Variants in PEAR1 observed in about 807,000 individuals in gnomAD.
PEAR1 encodes the protein multiple EGF-like domains protein 12.
In PEAR1, 113 loss-of-function variants were observed where a neutral mutation model predicts 131.2. That is an observed-to-expected ratio of 0.86 (90% CI 0.74 to 1.01). The LOEUF (loss-of-function observed/expected upper bound fraction) is 1.01. PEAR1 is among the 50% of genes least tolerant of loss of function. PEAR1 has a pLI of 0.00. For synonymous variants in PEAR1, 565 were observed against 523.3 expected (o/e 1.08, Z -1.09); for missense variants, 1,408 against 1,391.1 (o/e 1.01, Z -0.19).
At chr1:156,896,513 C>A (rs1649175462) in intron 1 of PEAR1, among the ~76,000 whole-genome samples, 1 of 152,232 alleles carries the variant, frequency 6.6e-6, no homozygotes, top group African/African-American at 2.4e-5. Flanking sequence ...GGGACTGGCA[C>A]TGGCGACAGC....
At chr1:156,909,538 C>T (rs1001720261) in intron 11 of PEAR1, among the ~76,000 whole-genome samples, 9 of 152,180 alleles carry the variant, frequency 5.9e-5, no homozygotes, top group Admixed American at 1.3e-4. Context: ...CAGAAGGCAC[C>T]CCAGACCCAG....
At chr1:156,900,825 A>G (rs1447329473) in intron 1 of PEAR1, among the ~76,000 whole-genome samples, 4 of 152,148 alleles carry the variant, frequency 2.6e-5, no homozygotes, top group Non-Finnish European at 5.9e-5. Flanking sequence ...CCCCCAGGGC[A>G]GAGCAGGGGT....
chr1:156,908,561 G>C lies in PEAR1; in HGVS notation c.1116-94G>C, dbSNP rs1650641589. ...TCCCTAGTGACCCCCTTACCCCAGC[G>C]ATGTGCGAATCCCACTGACCACGCG... On this transcript the variant is annotated intron_variant, in intron 9 of 22. Coordinates refer to ENST00000292357, the MANE Select transcript of PEAR1 (RefSeq NM_001080471.3). This position sits in a 1 kb window ranked among gnomAD's most constrained non-coding sequence, Gnocchi z 4.2. 7.7e-7 allele frequency: 1 copy of C among 1,305,556 alleles called. No homozygotes were observed. Among genetic ancestry groups the C allele is most frequent in the Non-Finnish European group, 1.0e-6 (1 of 976,254 alleles). The allele number at this position is 1,305,556 out of a possible 1,614,324, so 80.9% of individuals were successfully genotyped here. A position where few individuals can be genotyped will look rare whatever the true frequency, so the allele number is the denominator to read the frequency against.
At chr1:156,913,560 G>C in intron 20 of PEAR1, 37 bp downstream of exon 20, 2 of 1,608,704 alleles carry the variant, frequency 1.2e-6, no homozygotes, top group Non-Finnish European at 1.7e-6. Context: ...GGCGCGGGTG[G>C]ATGTGTGCAG....
intron 4 of PEAR1, among the ~76,000 whole-genome samples, chr1:156,905,801 C>T (rs1179281800): frequency 1.3e-5 from 2 of 152,154 alleles, no homozygotes; most frequent in African/African-American, 4.8e-5. Context: ...CTCTCCCTGA[C>T]TCTCTGTTGC....
In PEAR1 at chr1:156,903,874, C is replaced by T. The variant is rs58132897; in HGVS notation, c.-9-44C>T. 8,054 of 1,518,294 alleles carry T rather than the reference C, an allele frequency of 5.3e-3. 314 individuals carry two copies. In the African/African-American group the frequency reaches 0.094, roughly 18 times the overall value. 94.1% of individuals were successfully genotyped at this position (1,518,294 alleles called of 1,614,324 possible). A position where few individuals can be genotyped will look rare whatever the true frequency, so the allele number is the denominator to read the frequency against. ...CTCTGCAGACAGGTCCTCCAGGCTG[C>T]TGGCTGCAGCGCCACTGCCCACTCT... On this transcript the variant is annotated intron_variant, in intron 1 of 22. Transcript: ENST00000292357.
At chr1:156,906,978 G>A in intron 6 of PEAR1, 98 bp downstream of exon 6, 3 of 1,475,638 alleles carry the variant, frequency 2.0e-6, no homozygotes, top group Non-Finnish European at 2.7e-6. Context: ...GGCCCCAAGT[G>A]TGGGGATGAT....
chr1:156,908,692 G>A lies in PEAR1; in HGVS notation c.1153G>A (p.Gly385Ser). The change falls in exon 10 of 23, where the codon GGC becomes AGC. Residue 385 changes from glycine (G) to serine (S), a missense_variant. Physicochemically the swap from Gly to Ser is moderately conservative, Grantham distance 56 (BLOSUM62 0). Transcript: ENST00000292357. The surrounding 1 kb of genome is among the most constrained non-coding windows in gnomAD (Gnocchi z 4.2). ...GAACGGGGAGTGCTCCTGCCTGCCG[G>A]GCTGGGCGGGCCTCCACTGCAACGA... is the stretch of plus-strand genomic sequence containing the variant. The part of the protein sequence containing the change: ...PMNGECSCLP[G>S]WAGLHCNESC... 6.5e-7 allele frequency: 1 copy of A among 1,537,492 alleles called. No homozygotes were observed. The highest frequency in any genetic ancestry group is 8.7e-7 in the Non-Finnish European group (1 of 1,146,660).
intron 4 of PEAR1, 23 bp from the exon 5 acceptor site, chr1:156,906,253 C>T: frequency 1.2e-6 from 2 of 1,610,616 alleles, no homozygotes. Context: ...GGACACATCT[C>T]ACCACACCCA....
In PEAR1 at chr1:156,909,993, C is replaced by T. The variant is rs115062235; in HGVS notation, c.1576-13C>T. 1.0e-3 allele frequency: 1,606 copies of T among 1,613,334 alleles called. 14 individuals carry two copies. The African/African-American group carries it at 0.02, about 20-fold the overall frequency. On this transcript the variant is annotated splice_polypyrimidine_tract_variant and intron_variant, in intron 12 of 22. Coordinates refer to ENST00000292357, the MANE Select transcript of PEAR1 (RefSeq NM_001080471.3). ...AGCTGACTGGCCTACCTGCTCCCCA[C>T]TCCTTCTCCAAGAAGGGGCAGTTTG... is the stretch of plus-strand genomic sequence containing the variant.
At chr1:156,911,076 T>TCTTTC (rs1553269250) in intron 15 of PEAR1, among the ~76,000 whole-genome samples, 2,734 of 105,286 alleles carry the variant, frequency 0.026, 44 homozygotes, top group African/African-American at 0.058. Context: ...TTTCTTTCTT[T>TCTTTC]CTTTCTTTCT....
At position 156,913,213 on chromosome 1, in the gene PEAR1, T is replaced by C; in HGVS notation, c.2442T>C (p.Ser814=). The change falls in exon 19 of 23, where the codon AGT becomes AGC. Residue 814 remains serine, a synonymous_variant. Transcript: ENST00000292357. ...YVMPDVPPSY[S]HYYSNPSYHT... Reference sequence around the variant, plus strand: ...ATGCAGATGTCCCTCCGAGCTACAGTCACTACTACTCCAACCCCAGCTACC... The same window carrying C: ...ATGCAGATGTCCCTCCGAGCTACAGCCACTACTACTCCAACCCCAGCTACC... 1 of 1,613,654 alleles carries C rather than the reference T, an allele frequency of 6.2e-7. No individual in the cohort carries two copies. Among genetic ancestry groups the C allele is most frequent in the Non-Finnish European group, 8.5e-7 (1 of 1,179,814 alleles).
chr1:156,894,744 C>G (rs756101800), intron 1 of PEAR1, among the ~76,000 whole-genome samples: 9 of 152,218 alleles, frequency 5.9e-5, no homozygotes, highest in Non-Finnish European at 1.0e-4. Flanking sequence ...TGAGTGGCCT[C>G]TCCTGGGGCT....
rs11264580 is a variant in PEAR1 at position 156,908,739 on chromosome 1, T to C, written c.1200T>C (p.His400=). The C allele has an allele frequency of 0.14, 226,572 of 1,567,880 alleles. 18,492 individuals are homozygous for C. The highest frequency in any genetic ancestry group is 0.35 in the East Asian group (14,889 of 42,212). ...ACGAGAGCTGCCCGCAGGACACGCA[T>C]GGGCCAGGGTGCCAGGAGCACTGTC... The part of the protein sequence containing the change: ...HCNESCPQDT[H]GPGCQEHCLC... Residue 400 remains histidine (H), a synonymous_variant, in exon 10 of 23, where the codon CAT becomes CAC. Transcript: ENST00000292357. This position sits in a 1 kb window ranked among gnomAD's most constrained non-coding sequence, Gnocchi z 4.2.
chr1:156,912,010 A>G lies in PEAR1; in HGVS notation c.1952-237A>G, dbSNP rs59803733. The stretch of plus-strand genomic sequence containing the variant: ...CTGAATACACTATTTTGAAGTGGCT[A>G]TTAGATAGTCAAGTGCAGATGTTGA... On this transcript the variant is annotated intron_variant, in intron 15 of 22. Transcript: ENST00000292357. Among the ~76,000 whole-genome samples the G allele has an allele frequency of 3.3e-3, 497 of 152,322 alleles. 1 individual carries two copies. The highest frequency in any genetic ancestry group is 0.011 in the African/African-American group (469 of 41,562).
intron 13 of PEAR1, 26 bp downstream of exon 13, chr1:156,910,134 A>C: frequency 6.2e-7 from 1 of 1,613,808 alleles, no homozygotes; most frequent in Non-Finnish European, 8.5e-7. Context: ...CCCCAGGCCT[A>C]CTGTGGATTG....
rs1377968225 is a variant in PEAR1 at position 156,914,055 on chromosome 1, C to A, written c.2917C>A (p.Gln973Lys). Residue 973 changes from glutamine (Q) to lysine (K), a missense_variant, in exon 22 of 23, where the codon CAG (glutamine) becomes AAG (lysine). Coordinates refer to ENST00000292357, the MANE Select transcript of PEAR1 (RefSeq NM_001080471.3). Reference sequence around the variant, plus strand: ...CCAGAGGCGGCGGCAACCCCAGCCACAGAGAGACAGTGGCACCTACGAGCA... The same window carrying A: ...CCAGAGGCGGCGGCAACCCCAGCCAAAGAGAGACAGTGGCACCTACGAGCA... ...DSQRRRQPQP[Q>K]RDSGTYEQPS... The A allele has an allele frequency of 1.2e-6, 2 of 1,608,068 alleles. No individual in the cohort carries two copies. Among genetic ancestry groups the A allele is most frequent in the Admixed American group, 1.7e-5 (1 of 59,406 alleles).
Position 156,914,914 on chromosome 1 carries a change from T to C in PEAR1, c.*116T>C, listed in dbSNP as rs778394861. ...GGAGTGGACCGGCAGGCTGTGAACA[T>C]GAACAACGCTTAACAGAGCAAGTGA... On this transcript the variant is annotated 3_prime_UTR_variant, in exon 23 of 23. Coordinates refer to ENST00000292357, the MANE Select transcript of PEAR1 (RefSeq NM_001080471.3). The C allele has an allele frequency of 2.1e-5, 25 of 1,189,732 alleles. No individual in the cohort carries two copies. The highest frequency in any genetic ancestry group is 2.8e-5 in the Non-Finnish European group (24 of 855,354). The allele number at this position is 1,189,732 out of a possible 1,614,324, so 73.7% of individuals were successfully genotyped here. A position where few individuals can be genotyped will look rare whatever the true frequency, so the allele number is the denominator to read the frequency against.
Position 156,914,692 on chromosome 1 carries a change from C to G in PEAR1, c.3008C>G (p.Pro1003Arg). 6.2e-7 allele frequency: 1 copy of G among 1,613,852 alleles called. No homozygotes were observed. The highest frequency in any genetic ancestry group is 1.1e-5 in the South Asian group (1 of 91,036). ...GSQPPLPPGL[P>R]PGHYDSPKNS... ...CAGCCCCCTCTGCCTCCGGGCCTAC[C>G]CCCCGGCCACTATGACTCACCCAAG... Residue 1003 changes from proline to arginine, a missense_variant, in exon 23 of 23, where the codon CCC becomes CGC. Coordinates refer to ENST00000292357, the MANE Select transcript of PEAR1 (RefSeq NM_001080471.3).
Sources: gnomAD v4.1 joint callset for allele counts (sites outside exome capture counted in the v4.1 genomes callset) on GRCh38, gnomAD v4.1.1 for gene constraint, Gnocchi (gnomAD v3.1) non-coding constraint, MANE v1.5 for transcripts, NCBI Gene and HGNC (gene_info 2026-07-23, HGNC 2026-07-21) for gene names.